The following CSMD1 variants were observed in gnomAD, a reference collection of about 807,000 sequenced individuals.
CSMD1 encodes CUB and Sushi multiple domains 1.
In CSMD1, 213 loss-of-function variants were observed where a neutral mutation model predicts 417.5. The observed-to-expected ratio is 0.51, with a 90% CI of 0.46 to 0.57. The LOEUF is 0.57. Ranked by LOEUF, CSMD1 falls within the 20% of genes least tolerant of loss-of-function variation. The pLI is 0.00. For synonymous variants in CSMD1, 2,862 were observed against 1,736.8 expected (o/e 1.65, Z -16.11); for missense variants, 6,923 against 4,529.7 (o/e 1.53, Z -15.17).
At chr8:3,920,031 CT>C (rs1241580769) in intron 5 of CSMD1, among the ~76,000 whole-genome samples, 1 of 150,632 alleles carries the variant, frequency 6.6e-6, no homozygotes, top group African/African-American at 2.4e-5. Flanking sequence ...TTGTTTTTTA[CT>C]TTTTTGTTTT....
intron 6 of CSMD1, among the ~76,000 whole-genome samples, chr8:3,739,129 G>C (rs1224744456): frequency 1.3e-5 from 2 of 150,806 alleles, no homozygotes; most frequent in Non-Finnish European, 3.0e-5. Context: ...ATTTAGATCA[G>C]AGTTAATTGT....
At chr8:3,467,662 C>G (rs888604709) in intron 12 of CSMD1, among the ~76,000 whole-genome samples, 9 of 151,960 alleles carry the variant, frequency 5.9e-5, no homozygotes, top group African/African-American at 1.5e-4. Context: ...GGCCCACACA[C>G]CAAGAGACCC....
intron 1 of CSMD1, among the ~76,000 whole-genome samples, chr8:4,867,583 T>C (rs997778006): frequency 6.6e-6 from 1 of 152,112 alleles, no homozygotes; most frequent in Non-Finnish European, 1.5e-5. Context: ...ATTTCGCTTT[T>C]TTCATCAGCG....
intron 12 of CSMD1, 21 bp from the exon 13 acceptor site, chr8:3,409,626 G>A: frequency 6.5e-7 from 1 of 1,536,026 alleles, no homozygotes; most frequent in South Asian, 1.2e-5. Flanking sequence ...AAAAACAAAT[G>A]AACCCTTAAA....
At chr8:3,841,084 A>T (rs1041132219) in intron 5 of CSMD1, among the ~76,000 whole-genome samples, 1 of 152,080 alleles carries the variant, frequency 6.6e-6, no homozygotes, top group Non-Finnish European at 1.5e-5. Context: ...ATTGATGTTA[A>T]ATCAAGTATT....
At chr8:4,702,072 C>T (rs1373157164) in intron 1 of CSMD1, among the ~76,000 whole-genome samples, 1 of 152,052 alleles carries the variant, frequency 6.6e-6, no homozygotes, top group Non-Finnish European at 1.5e-5. Context: ...AACACATGGA[C>T]ACAGGAAAGG....
chr8:3,550,647 T>C (rs747531800), intron 10 of CSMD1, among the ~76,000 whole-genome samples: 3 of 152,200 alleles, frequency 2.0e-5, no homozygotes, highest in Non-Finnish European at 4.4e-5. Context: ...GTTTCCTTTC[T>C]TACTGGTTTG....
chr8:3,252,111 G>T (rs1258478061), intron 26 of CSMD1, among the ~76,000 whole-genome samples: 1 of 152,184 alleles, frequency 6.6e-6, no homozygotes, highest in East Asian at 1.9e-4. Flanking sequence ...GAATAGTAGT[G>T]GTGAGAGAGC....
chr8:3,806,549 C>T (rs183465727), intron 5 of CSMD1, among the ~76,000 whole-genome samples: 16 of 152,266 alleles, frequency 1.1e-4, no homozygotes, highest in African/African-American at 1.4e-4. Flanking sequence ...ACTACCTACA[C>T]GCACACTTAT....
intron 3 of CSMD1, among the ~76,000 whole-genome samples, chr8:4,160,470 G>A (rs146043714): frequency 1.3e-5 from 2 of 152,276 alleles, no homozygotes; most frequent in East Asian, 1.9e-4. Flanking sequence ...TGTTGGTCAT[G>A]TGTCTTCATG....
At chr8:4,957,861 G>A (rs1263539040) in intron 1 of CSMD1, among the ~76,000 whole-genome samples, 2 of 152,166 alleles carry the variant, frequency 1.3e-5, no homozygotes, top group African/African-American at 2.4e-5. Flanking sequence ...CAGTCACTCT[G>A]CCAGCCCCTG....
chr8:4,975,825 T>C (rs1455523882), intron 1 of CSMD1, among the ~76,000 whole-genome samples: 1 of 146,604 alleles, frequency 6.8e-6, no homozygotes, highest in East Asian at 2.2e-4. Context: ...TTTGCAATAA[T>C]AGAAAAAAAC....
At chr8:4,287,882 G>T (rs1486053123) in intron 3 of CSMD1, among the ~76,000 whole-genome samples, 1 of 151,964 alleles carries the variant, frequency 6.6e-6, no homozygotes, top group African/African-American at 2.4e-5. Flanking sequence ...GGCAGTCTCA[G>T]GACATCCCAG....
In CSMD1 at chr8:3,986,530, C is replaced by A. The variant is rs55780782; in HGVS notation, c.818+11373G>T. 2.6e-5 allele frequency among the ~76,000 whole-genome samples: 4 copies of A among 152,182 alleles called. No individual in the cohort carries two copies. In the East Asian group the frequency reaches 7.8e-4, roughly 30 times the overall value. On this transcript the variant is annotated intron_variant, in intron 5 of 69. Transcript: ENST00000635120. ...TCCTTCTCCTTTCTTTTTCTACTCC[C>A]ATGATCAGCAGACCCGTATAAATTA...
intron 49 of CSMD1, among the ~76,000 whole-genome samples, chr8:3,078,884 G>A (rs6990908): frequency 4.6e-5 from 7 of 152,158 alleles, no homozygotes; most frequent in Non-Finnish European, 7.3e-5. Context: ...GACTGCATGC[G>A]AGTTCCTTTT....
intron 3 of CSMD1, among the ~76,000 whole-genome samples, chr8:4,083,677 T>G (rs570417507): frequency 1.3e-5 from 2 of 152,086 alleles, no homozygotes; most frequent in African/African-American, 4.8e-5. Flanking sequence ...TTACACCTTA[T>G]ACAAAAATCA....
chr8:3,982,088 G>T (rs1381263029), intron 5 of CSMD1, among the ~76,000 whole-genome samples: 5 of 151,550 alleles, frequency 3.3e-5, no homozygotes, highest in African/African-American at 1.2e-4. Flanking sequence ...AACCTGGGAG[G>T]TGGAGGTTGC....
Position 3,307,782 on chromosome 8 carries a change from C to T in CSMD1, c.3863G>A (p.Arg1288Gln), listed in dbSNP as rs780978438. 88 of 1,613,456 alleles carry T rather than the reference C, an allele frequency of 5.5e-5. No homozygotes were observed. The highest frequency in any genetic ancestry group is 6.9e-5 in the Non-Finnish European group (81 of 1,179,624). ...GGQIHAATSG[R>Q]ILSPGYPAPY... ...AGCTGGATAGCCAGGGGACAATATTCGTCCTGATGTGGCTGCATGGATCTG... is the reference window on the plus strand; with the variant it reads ...AGCTGGATAGCCAGGGGACAATATTTGTCCTGATGTGGCTGCATGGATCTG... Residue 1288 changes from arginine (R) to glutamine (Q), a missense_variant, in exon 25 of 70, where the codon CGA becomes CAA. Coordinates refer to ENST00000635120, the MANE Select transcript of CSMD1 (RefSeq NM_033225.6).
chr8:3,326,482 C>G (rs1388349581), intron 23 of CSMD1, among the ~76,000 whole-genome samples: 1 of 152,196 alleles, frequency 6.6e-6, no homozygotes, highest in Non-Finnish European at 1.5e-5. Flanking sequence ...AAAGACACAT[C>G]CCAAACTTGC....
Sources: allele counts gnomAD v4.1 joint callset (sites outside exome capture counted in the v4.1 genomes callset), GRCh38; gene constraint gnomAD v4.1.1; transcripts MANE v1.5; gene names NCBI Gene and HGNC (gene_info 2026-07-23, HGNC 2026-07-21).